Variants in GNPTAB observed in about 807,000 individuals in gnomAD.
GNPTAB encodes N-acetylglucosamine-1-phosphotransferase subunits alpha/beta.
Under a neutral mutation model 136.6 loss-of-function variants are expected in GNPTAB, and 92 were observed. The ratio of observed to expected loss-of-function variants is 0.67; its 90% CI spans 0.57 to 0.80. The LOEUF is 0.80. Ranked by LOEUF, GNPTAB falls within the 30% of genes least tolerant of loss-of-function variation. GNPTAB has a pLI of 0.00. For missense variants in GNPTAB, 1,343 were observed against 1,501.8 expected (o/e 0.89, Z 1.75); for synonymous variants, 512 against 535.1 (o/e 0.96, Z 0.60).
intron 1 of GNPTAB, among the ~76,000 whole-genome samples, chr12:101,825,531 A>G (rs190867648): frequency 6.2e-4 from 94 of 152,322 alleles, no homozygotes; most frequent in African/African-American, 2.1e-3. Context: ...TTCAGCATCT[A>G]CTGGGTACCA....
chr12:101,752,324 C>T (rs1952832417), intron 19 of GNPTAB, among the ~76,000 whole-genome samples: 1 of 152,164 alleles, frequency 6.6e-6, no homozygotes, highest in Non-Finnish European at 1.5e-5. Context: ...ACTCGGGAGG[C>T]TGAGGCATGA....
At chr12:101,795,166 T>G (rs773573852) in intron 2 of GNPTAB, among the ~76,000 whole-genome samples, 3 of 152,228 alleles carry the variant, frequency 2.0e-5, no homozygotes, top group Non-Finnish European at 4.4e-5. Flanking sequence ...ACCAGCAACT[T>G]TGGTATTACC....
chr12:101,815,348 T>A (rs185989821), intron 1 of GNPTAB, among the ~76,000 whole-genome samples: 2 of 152,180 alleles, frequency 1.3e-5, no homozygotes, highest in Non-Finnish European at 2.9e-5. Context: ...CCATAACAGC[T>A]CACTGTTAAA....
At chr12:101,794,609 A>G (rs1257654567) in intron 2 of GNPTAB, among the ~76,000 whole-genome samples, 1 of 152,214 alleles carries the variant, frequency 6.6e-6, no homozygotes, top group Non-Finnish European at 1.5e-5. Context: ...TGATCCATTT[A>G]TTTGTCATCA....
chr12:101,765,291 T>A lies in GNPTAB; in HGVS notation c.1626A>T (p.Glu542Asp). ...TTGGGAGAAGGATCACTTTATACAA[T>A]TCATGAAAATGATCTAGAGGAAAAA... ...AGDCGQDHFHELYKVILLPNQ... is the reference protein window; with the variant it reads ...AGDCGQDHFHDLYKVILLPNQ... Residue 542 changes from glutamate (E) to aspartate (D), a missense_variant, in exon 13 of 21, where the codon GAA becomes GAT. By Grantham distance (45) the Glu-to-Asp change is conservative (BLOSUM62 2). Transcript: ENST00000299314. The A allele has an allele frequency of 6.2e-7, 1 of 1,607,736 alleles. No individual in the cohort carries two copies. Among genetic ancestry groups the A allele is most frequent in the Non-Finnish European group, 8.5e-7 (1 of 1,174,440 alleles).
At chr12:101,796,817 C>T in intron 1 of GNPTAB, 55 bp from the exon 2 acceptor site, 2 of 1,146,528 alleles carry the variant, frequency 1.7e-6, no homozygotes, top group Admixed American at 4.0e-5. Flanking sequence ...GAGTATATAA[C>T]TTTCATTTCA....
intron 1 of GNPTAB, among the ~76,000 whole-genome samples, chr12:101,800,424 T>C (rs967753887): frequency 6.6e-6 from 1 of 151,914 alleles, no homozygotes; most frequent in African/African-American, 2.4e-5. Flanking sequence ...CTAATTTGGA[T>C]GGCCATCCTG....
rs546617430 is a variant in GNPTAB at position 101,789,917 on chromosome 12, GA to G, written c.323+20del. 285 of 1,538,838 alleles carry G rather than the reference GA, an allele frequency of 1.9e-4. No homozygotes were observed. Among genetic ancestry groups the G allele is most frequent in the Non-Finnish European group, 2.2e-4 (241 of 1,119,086 alleles). On this transcript the variant is annotated intron_variant, in intron 3 of 20. Transcript: ENST00000299314. ...CATCGCCACATTACCCATCTGATGT[GA>G]AAAAAAAAATCAGTTTTACCTCATT... is the stretch of plus-strand genomic sequence containing the variant.
At chr12:101,768,685 C>T (rs1168741217) in intron 10 of GNPTAB, among the ~76,000 whole-genome samples, 2 of 152,166 alleles carry the variant, frequency 1.3e-5, no homozygotes, top group African/African-American at 4.8e-5. Context: ...CACCTGCTCT[C>T]AGAATTAGTG....
rs2137144412 is a variant in GNPTAB at position 101,786,058 on chromosome 12, G to A, written c.525C>T (p.Asn175=). The change falls in exon 5 of 21, where the codon AAC becomes AAT. Residue 175 remains asparagine (N), a synonymous_variant. Coordinates refer to ENST00000299314, the MANE Select transcript of GNPTAB (RefSeq NM_024312.5). ...CAACAACTGAGACATTGGTAGAAGG[G>A]TTTTTTGGTTTTGCAACATTGAAAA... ...SDIFNVAKPK[N]PSTNVSVVVF... is the part of the protein sequence containing the mutation. 6.2e-7 allele frequency: 1 copy of A among 1,614,054 alleles called. No homozygotes were observed. Among genetic ancestry groups the A allele is most frequent in the Non-Finnish European group, 8.5e-7 (1 of 1,179,940 alleles).
At chr12:101,818,813 T>C (rs905031847) in intron 1 of GNPTAB, among the ~76,000 whole-genome samples, 3 of 152,300 alleles carry the variant, frequency 2.0e-5, no homozygotes, top group African/African-American at 4.8e-5. Context: ...AACCGAATCA[T>C]GGGAGTAGGC....
At chr12:101,806,397 A>G (rs1285125447) in intron 1 of GNPTAB, among the ~76,000 whole-genome samples, 2 of 152,232 alleles carry the variant, frequency 1.3e-5, no homozygotes, top group African/African-American at 4.8e-5. Context: ...AGAGGCAACC[A>G]GGAGCTAAAG....
rs566440289 is a variant in GNPTAB, at chr12:101,818,058, C to T, written c.117+12501G>A. 7.9e-5 allele frequency among the ~76,000 whole-genome samples: 12 copies of T among 152,354 alleles called. No individual in the cohort carries two copies. In the South Asian group the frequency reaches 1.7e-3, roughly 21 times the overall value. On this transcript the variant is annotated intron_variant, in intron 1 of 20. Transcript: ENST00000299314. ...CTAAACTGGCCCCTGCCTGCCTCTT[C>T]GGCTTCATTCCCCTGTCACTCCAAA...
chr12:101,755,509 A>G (rs1952889104), intron 18 of GNPTAB, among the ~76,000 whole-genome samples: 1 of 152,222 alleles, frequency 6.6e-6, no homozygotes, highest in Non-Finnish European at 1.5e-5. Context: ...TGCTGAAGAC[A>G]GGCTATTAGA....
At chr12:101,773,302 A>AC (rs373783927) in intron 7 of GNPTAB, 7 of 233,470 alleles carry the variant, frequency 3.0e-5, no homozygotes, top group East Asian at 2.4e-4. Context: ...ATGGTACTTC[A>AC]CCCCCCATGC....
chr12:101,785,956 G>C, intron 5 of GNPTAB, 56 bp downstream of exon 5: 1 of 1,270,112 alleles, frequency 7.9e-7, no homozygotes. Flanking sequence ...TCAGAATTTT[G>C]TTATTCAAAC....
chr12:101,814,455 TG>T (rs1870409925), intron 1 of GNPTAB, among the ~76,000 whole-genome samples: 1 of 152,146 alleles, frequency 6.6e-6, no homozygotes, highest in South Asian at 2.1e-4. Context: ...TCCCGCACTT[TG>T]GAAGCCGAGG....
chr12:101,813,273 C>T (rs1412645532), intron 1 of GNPTAB, among the ~76,000 whole-genome samples: 1 of 152,194 alleles, frequency 6.6e-6, no homozygotes, highest in South Asian at 2.1e-4. Context: ...TATTAAATTA[C>T]AGCCCACACA....
At chr12:101,787,134 G>A (rs1255271871) in intron 4 of GNPTAB, among the ~76,000 whole-genome samples, 1 of 152,264 alleles carries the variant, frequency 6.6e-6, no homozygotes, top group East Asian at 1.9e-4. Context: ...ATCTAGTCCA[G>A]TCCAAGTAGG....
Sources: allele counts gnomAD v4.1 joint callset (sites outside exome capture counted in the v4.1 genomes callset), GRCh38; gene constraint gnomAD v4.1.1; transcripts MANE v1.5; gene names NCBI Gene and HGNC (gene_info 2026-07-23, HGNC 2026-07-21).